The following EIF4EBP2 variants were observed in gnomAD, a reference collection of about 807,000 sequenced individuals.
EIF4EBP2 encodes eukaryotic translation initiation factor 4E-binding protein 2.
Under a neutral mutation model 10.3 loss-of-function variants are expected in EIF4EBP2, and 5 were observed. The observed-to-expected ratio is 0.48, with a 90% CI of 0.25 to 1.02. EIF4EBP2 has a LOEUF of 1.02. Ranked by LOEUF, EIF4EBP2 falls within the 50% of genes least tolerant of loss-of-function variation. EIF4EBP2 has a pLI of 0.15. For synonymous variants in EIF4EBP2, 67 were observed against 61.1 expected (o/e 1.10, Z -0.45); for missense variants, 188 against 162.2 (o/e 1.16, Z -0.86).
intron 1 of EIF4EBP2, among the ~76,000 whole-genome samples, chr10:70,406,921 G>A (rs1472548414): frequency 2.0e-5 from 3 of 152,084 alleles, no homozygotes; most frequent in Admixed American, 6.6e-5. Context: ...TTTTGGAGAC[G>A]GAGTTTCGCT....
rs1844947070 is a variant in EIF4EBP2, at chr10:70,404,482, C to G, written c.81C>G (p.Ala27=). ...CCCGCACCGTGGCCATCAGCGACGCCGCGCAGCTACCTCATGACTATTGCA... is the reference window on the plus strand; with the variant it reads ...CCCGCACCGTGGCCATCAGCGACGCGGCGCAGCTACCTCATGACTATTGCA... ...IPTRTVAISD[A]AQLPHDYCTT... The change falls in exon 1 of 3, where the codon GCC becomes GCG. Residue 27 remains alanine (A), a synonymous_variant. Transcript: ENST00000373218. 6.2e-7 allele frequency: 1 copy of G among 1,600,020 alleles called. No individual in the cohort carries two copies. Among genetic ancestry groups the G allele is most frequent in the Admixed American group, 1.7e-5 (1 of 59,428 alleles).
chr10:70,410,290 G>A (rs545805574), intron 1 of EIF4EBP2, among the ~76,000 whole-genome samples: 5 of 152,260 alleles, frequency 3.3e-5, no homozygotes, highest in South Asian at 4.1e-4. Flanking sequence ...GGCTGGTCTC[G>A]AACTCCTGAC....
intron 1 of EIF4EBP2, among the ~76,000 whole-genome samples, chr10:70,405,948 A>G (rs368786930): frequency 6.6e-6 from 1 of 152,150 alleles, no homozygotes; most frequent in Admixed American, 6.6e-5. Flanking sequence ...TAACTCATGG[A>G]AGAAATCTCC....
intron 1 of EIF4EBP2, among the ~76,000 whole-genome samples, chr10:70,408,708 G>T (rs1589145859): frequency 6.6e-6 from 1 of 152,208 alleles, no homozygotes; most frequent in Non-Finnish European, 1.5e-5. Context: ...GCCCAGGGGA[G>T]TGGTTCGCAC....
chr10:70,411,108 C>T (rs1032175912), intron 1 of EIF4EBP2, among the ~76,000 whole-genome samples: 3 of 152,116 alleles, frequency 2.0e-5, no homozygotes, highest in African/African-American at 7.2e-5. Flanking sequence ...TTTAATTGTA[C>T]AGCTCAGTGG....
intron 1 of EIF4EBP2, among the ~76,000 whole-genome samples, chr10:70,418,467 C>T (rs773219694): frequency 3.3e-5 from 5 of 152,202 alleles, no homozygotes; most frequent in Middle Eastern, 3.4e-3. Flanking sequence ...TTTGACCATC[C>T]GAACTCTGTA....
rs1845197001 is a variant in EIF4EBP2 at position 70,425,415 on chromosome 10, T to G, written c.*3668T>G. The G allele has an allele frequency of 6.6e-6, 1 of 152,236 alleles. No individual in the cohort carries two copies. Among genetic ancestry groups the G allele is most frequent in the South Asian group, 2.1e-4 (1 of 4,838 alleles). 9.4% of individuals were successfully genotyped at this position (152,236 alleles called of 1,614,324 possible). ...CAGTAGCAAAGAATTTATGGACATA[T>G]CTTAAAAGCACCACACCCCAACTGG... On this transcript the variant is annotated 3_prime_UTR_variant, in exon 3 of 3. Transcript: ENST00000373218.
Position 70,428,271 on chromosome 10 carries a change from ATATTT to A in EIF4EBP2, c.*6530_*6534del, listed in dbSNP as rs1589150295. 6.6e-6 allele frequency: 1 copy of A among 151,884 alleles called. No individual in the cohort carries two copies. Among genetic ancestry groups the A allele is most frequent in the East Asian group, 1.9e-4 (1 of 5,188 alleles). The allele number at this position is 151,884 out of a possible 1,614,324, so 9.4% of individuals were successfully genotyped here. ...GGTGTCCATTTTATGCATCTTTAAA[ATATTT>A]TATTTAAAAAAAAAAATAGCCCTGC... On this transcript the variant is annotated 3_prime_UTR_variant, in exon 3 of 3. Transcript: ENST00000373218.
intron 1 of EIF4EBP2, among the ~76,000 whole-genome samples, chr10:70,416,219 A>G (rs1428271512): frequency 6.6e-6 from 1 of 152,216 alleles, no homozygotes; most frequent in African/African-American, 2.4e-5. Context: ...TGTTGGCTAC[A>G]ATATATAAAA....
chr10:70,419,480 C>CT (rs1049162708), intron 1 of EIF4EBP2, among the ~76,000 whole-genome samples: 1 of 151,618 alleles, frequency 6.6e-6, no homozygotes, highest in Admixed American at 6.6e-5. Context: ...TCATTTAAAA[C>CT]TTTTTTTTTC....
chr10:70,405,697 C>G (rs1292371133), intron 1 of EIF4EBP2, among the ~76,000 whole-genome samples: 1 of 152,128 alleles, frequency 6.6e-6, no homozygotes, highest in Non-Finnish European at 1.5e-5. Flanking sequence ...TAGGCCTGGA[C>G]CATCCTTAAA....
At chr10:70,418,462 C>T (rs868379612) in intron 1 of EIF4EBP2, among the ~76,000 whole-genome samples, 1 of 152,174 alleles carries the variant, frequency 6.6e-6, no homozygotes, top group Non-Finnish European at 1.5e-5. Context: ...ACAACTTTGA[C>T]CATCCGAACT....
intron 1 of EIF4EBP2, among the ~76,000 whole-genome samples, chr10:70,414,665 C>G (rs1418277339): frequency 2.6e-5 from 4 of 152,086 alleles, no homozygotes; most frequent in Admixed American, 2.6e-4. Flanking sequence ...GTCAGGAGTT[C>G]GAGACCAGCC....
rs1844944376 is a variant in EIF4EBP2 at position 70,404,276 on chromosome 10, A to G, written c.-126A>G. Reference sequence around the variant, plus strand: ...CGGCGGGAGCGGAGCGGGACGAGGGAACGGGAGGAAGCGAGCGAGGAGCGC... The same window carrying G: ...CGGCGGGAGCGGAGCGGGACGAGGGGACGGGAGGAAGCGAGCGAGGAGCGC... On this transcript the variant is annotated 5_prime_UTR_variant, in exon 1 of 3. Transcript: ENST00000373218. 4 of 1,240,578 alleles carry G rather than the reference A, an allele frequency of 3.2e-6. No homozygotes were observed. The highest frequency in any genetic ancestry group is 4.2e-6 in the Non-Finnish European group (4 of 950,424). The allele number at this position is 1,240,578 out of a possible 1,614,324, so 76.8% of individuals were successfully genotyped here.
chr10:70,421,255 G>C (rs1289585143), intron 2 of EIF4EBP2, among the ~76,000 whole-genome samples: 1 of 152,190 alleles, frequency 6.6e-6, no homozygotes, highest in East Asian at 1.9e-4. Context: ...TGGTGCGGTA[G>C]GAGTGGCCAG....
At chr10:70,409,528 C>T (rs972535639) in intron 1 of EIF4EBP2, among the ~76,000 whole-genome samples, 8 of 152,238 alleles carry the variant, frequency 5.3e-5, no homozygotes, top group Admixed American at 3.3e-4. Context: ...AATTATTGTC[C>T]GTGAGTCCCT....
Position 70,419,982 on chromosome 10 carries a change from C to A in EIF4EBP2, c.214C>A (p.Pro72Thr). 2 of 1,613,178 alleles carry A rather than the reference C, an allele frequency of 1.2e-6. No individual in the cohort carries two copies. Among genetic ancestry groups the A allele is most frequent in the Non-Finnish European group, 1.7e-6 (2 of 1,179,692 alleles). Residue 72 changes from proline to threonine, a missense_variant, in exon 2 of 3, where the codon CCC becomes ACC. Coordinates refer to ENST00000373218, the MANE Select transcript of EIF4EBP2 (RefSeq NM_004096.5). ...RRNSPMAQTP[P>T]CHLPNIPGVT... is the part of the protein sequence containing the mutation. ...CAATTCTCCCATGGCTCAGACCCCA[C>A]CCTGCCACCTGCCCAATATCCCAGG...
At chr10:70,412,573 G>A (rs987741431) in intron 1 of EIF4EBP2, among the ~76,000 whole-genome samples, 16 of 152,070 alleles carry the variant, frequency 1.1e-4, no homozygotes, top group Non-Finnish European at 1.9e-4. Flanking sequence ...GAAAGAGGCC[G>A]TTACGCTTGA....
intron 1 of EIF4EBP2, among the ~76,000 whole-genome samples, chr10:70,416,302 C>T (rs1350132078): frequency 6.6e-6 from 1 of 152,136 alleles, no homozygotes; most frequent in African/African-American, 2.4e-5. Context: ...CAGTTCTGGC[C>T]GGGCGCGGTG....
Sources: gnomAD v4.1 joint callset for allele counts (sites outside exome capture counted in the v4.1 genomes callset) on GRCh38, gnomAD v4.1.1 for gene constraint, MANE v1.5 for transcripts, NCBI Gene and HGNC (gene_info 2026-07-23, HGNC 2026-07-21) for gene names.